CNTN1: variants seen among roughly 807,000 people sequenced by gnomAD.
CNTN1 encodes contactin 1.
In CNTN1, 38 loss-of-function variants were observed where a neutral mutation model predicts 126.4. That is an observed-to-expected ratio of 0.30 (90% confidence interval 0.23 to 0.39). CNTN1 has a LOEUF of 0.39. CNTN1 is among the 10% of genes least tolerant of loss of function. CNTN1 has a pLI of 1.00. For synonymous variants in CNTN1, 413 were observed against 422.6 expected (o/e 0.98, Z 0.28); for missense variants, 1,009 against 1,248.4 (o/e 0.81, Z 2.89).
chr12:40,798,812 T>C (rs1028991960), intron 1 of CNTN1, among the ~76,000 whole-genome samples: 11 of 151,932 alleles, frequency 7.2e-5, no homozygotes, highest in Non-Finnish European at 1.6e-4. Context: ...ACCTGGGTGA[T>C]GAGGAAATAA....
At chr12:40,823,379 C>T (rs553034365) in intron 1 of CNTN1, among the ~76,000 whole-genome samples, 41 of 152,100 alleles carry the variant, frequency 2.7e-4, no homozygotes, top group South Asian at 4.2e-4. Flanking sequence ...CATTGGTTCA[C>T]GGTTGTATGA....
At chr12:40,975,181 TATATATATATATATATATATATATA>T (rs1947639200) in intron 15 of CNTN1, among the ~76,000 whole-genome samples, 1 of 126,700 alleles carries the variant, frequency 7.9e-6, no homozygotes, top group Non-Finnish European at 1.7e-5. Context: ...AAATGGATTA[TATATATATATATATATATATATATA>T]TATATATATA....
At chr12:40,967,498 A>AT (rs1947350937) in intron 15 of CNTN1, among the ~76,000 whole-genome samples, 3 of 152,158 alleles carry the variant, frequency 2.0e-5, no homozygotes, top group African/African-American at 7.2e-5. Flanking sequence ...AACAAAACAA[A>AT]CAAACAAACA....
Position 41,071,279 on chromosome 12 carries a change from A to C in CNTN1, c.*1244A>C, listed in dbSNP as rs565423316. On this transcript the variant is annotated 3_prime_UTR_variant, in exon 24 of 24. Coordinates refer to ENST00000551295, the MANE Select transcript of CNTN1 (RefSeq NM_001843.4). Reference sequence around the variant, plus strand: ...AGTGTTGGTGCTTTGGGTTTTTATAAGTTGTGAAAAGGAAGATGCACATTT... The same window carrying C: ...AGTGTTGGTGCTTTGGGTTTTTATACGTTGTGAAAAGGAAGATGCACATTT... The C allele has an allele frequency of 1.3e-5, 2 of 152,192 alleles. No homozygotes were observed. The highest frequency in any genetic ancestry group is 4.1e-4 in the South Asian group (2 of 4,824). 9.4% of individuals were successfully genotyped at this position (152,192 alleles called of 1,614,324 possible). A position where few individuals can be genotyped will look rare whatever the true frequency, so the allele number is the denominator to read the frequency against.
intron 16 of CNTN1, among the ~76,000 whole-genome samples, chr12:40,984,095 T>C (rs1216502014): frequency 6.7e-6 from 1 of 149,946 alleles, no homozygotes; most frequent in East Asian, 1.9e-4. Context: ...GGAAACACTT[T>C]TATACTCAGT....
At chr12:40,787,231 T>C (rs1592086605) in intron 1 of CNTN1, among the ~76,000 whole-genome samples, 1 of 152,158 alleles carries the variant, frequency 6.6e-6, no homozygotes, top group African/African-American at 2.4e-5. Context: ...TCTTATATAA[T>C]TTTCGAACAA....
chr12:40,721,631 A>T (rs1037720164), intron 1 of CNTN1, among the ~76,000 whole-genome samples: 2 of 149,202 alleles, frequency 1.3e-5, no homozygotes, highest in Non-Finnish European at 3.0e-5. Context: ...TACATGTGCC[A>T]TGCTGGTGTG....
At chr12:41,048,508 C>T (rs1402707986) in intron 23 of CNTN1, among the ~76,000 whole-genome samples, 1 of 152,146 alleles carries the variant, frequency 6.6e-6, no homozygotes, top group African/African-American at 2.4e-5. Context: ...GGACACCCCT[C>T]CACATGGAAG....
At chr12:40,847,843 C>T (rs1928560) in intron 1 of CNTN1, among the ~76,000 whole-genome samples, 8,758 of 152,228 alleles carry the variant, frequency 0.058, 516 homozygotes, top group Admixed American at 0.16. Flanking sequence ...AGTTTTTCCA[C>T]GGATGGGGTG....
At chr12:40,701,894 A>C (rs1941604742) in intron 1 of CNTN1, among the ~76,000 whole-genome samples, 1 of 152,184 alleles carries the variant, frequency 6.6e-6, no homozygotes, top group African/African-American at 2.4e-5. Context: ...AATGAGCTAT[A>C]ACAAAGTATT....
rs10667128 is a variant in CNTN1 at position 40,892,955 on chromosome 12, T to TG, written c.-76-15394dup. ...AATGGAACTCAAGAAAAATGAAAAC[T>TG]GGGGGGGGTGAATAAACAAATACAT... is the stretch of plus-strand genomic sequence containing the variant. On this transcript the variant is annotated intron_variant, in intron 1 of 23. Coordinates refer to ENST00000551295, the MANE Select transcript of CNTN1 (RefSeq NM_001843.4). 7.7e-3 allele frequency among the ~76,000 whole-genome samples: 1,038 copies of TG among 134,932 alleles called. 41 individuals are homozygous for TG. The highest frequency in any genetic ancestry group is 0.021 in the African/African-American group (666 of 31,410). 88.5% of individuals were successfully genotyped at this position (134,932 alleles called of 152,430 possible).
chr12:40,981,121 C>T (rs1947808415), intron 16 of CNTN1, 54 bp downstream of exon 16: 2 of 1,585,344 alleles, frequency 1.3e-6, no homozygotes, highest in South Asian at 2.3e-5. Context: ...GAATTCTTTT[C>T]TCAAAAACAA....
chr12:41,068,102 G>T (rs1238122671), intron 23 of CNTN1, among the ~76,000 whole-genome samples: 3 of 152,238 alleles, frequency 2.0e-5, no homozygotes, highest in East Asian at 3.9e-4. Context: ...GCAAGAACAC[G>T]GCAGAGAGGT....
intron 23 of CNTN1, among the ~76,000 whole-genome samples, chr12:41,053,455 A>ATATATATATATT (rs1238116304): frequency 7.7e-6 from 1 of 130,614 alleles, no homozygotes; most frequent in Non-Finnish European, 1.6e-5. Context: ...ATATATATAT[A>ATATATATATATT]TATATATATA....
chr12:40,904,841 T>A (rs970145649), intron 1 of CNTN1, among the ~76,000 whole-genome samples: 2 of 152,246 alleles, frequency 1.3e-5, no homozygotes, highest in Non-Finnish European at 2.9e-5. Context: ...GACTTCTGTG[T>A]GTCAGGCATT....
chr12:40,881,218 G>T (rs1352276078), intron 1 of CNTN1, among the ~76,000 whole-genome samples: 2 of 151,884 alleles, frequency 1.3e-5, no homozygotes, highest in Non-Finnish European at 2.9e-5. Flanking sequence ...TTACTCCAGG[G>T]TGTTGTATAA....
At position 41,025,347 on chromosome 12, in the gene CNTN1, C is replaced by A. The variant is rs375274970; in HGVS notation, c.2710+11C>A. The A allele has an allele frequency of 6.2e-7, 1 of 1,612,450 alleles. No homozygotes were observed. The highest frequency in any genetic ancestry group is 8.5e-7 in the Non-Finnish European group (1 of 1,178,704). On this transcript the variant is annotated intron_variant, in intron 21 of 23. Transcript: ENST00000551295. ...TCACCAAGAAAGCACGTGAGTCTCA[C>A]GTTTTGTTTTTAGACTTGTCAAAAA...
At position 40,936,722 on chromosome 12, in the gene CNTN1, G is replaced by C. The variant is rs1946092658; in HGVS notation, c.986-59G>C. ...AACTAAATGTAATATTTATACTCTGGAGATTATGATGGATCTTGAGCCCTT... is the reference window on the plus strand; with the variant it reads ...AACTAAATGTAATATTTATACTCTGCAGATTATGATGGATCTTGAGCCCTT... On this transcript the variant is annotated intron_variant, in intron 9 of 23. Coordinates refer to ENST00000551295, the MANE Select transcript of CNTN1 (RefSeq NM_001843.4). 6.3e-6 allele frequency: 10 copies of C among 1,595,086 alleles called. No individual in the cohort carries two copies. In the Admixed American group the frequency reaches 1.7e-4, roughly 27 times the overall value.
chr12:40,738,172 CATA>C (rs1366431366), intron 1 of CNTN1, among the ~76,000 whole-genome samples: 1 of 151,942 alleles, frequency 6.6e-6, no homozygotes, highest in African/African-American at 2.4e-5. Context: ...AGCATAATTT[CATA>C]ATAATATGAT....
Sources: allele counts gnomAD v4.1 joint callset (sites outside exome capture counted in the v4.1 genomes callset), GRCh38; gene constraint gnomAD v4.1.1; transcripts MANE v1.5; gene names NCBI Gene and HGNC (gene_info 2026-07-23, HGNC 2026-07-21).